The following NTSR1 variants were observed in gnomAD, a reference collection of about 807,000 sequenced individuals.
The protein encoded by NTSR1 is neurotensin receptor type 1.
A neutral mutation model predicts 31.2 loss-of-function variants in NTSR1; 29 were observed. That is an observed-to-expected ratio of 0.93 (90% CI 0.69 to 1.27). The LOEUF is 1.27. Ranked by LOEUF, NTSR1 falls within the 50% of genes most tolerant of loss-of-function variation. The pLI is 0.00. For missense variants in NTSR1, 697 were observed against 595.4 expected, an observed-to-expected ratio of 1.17 and a Z score of -1.78; for synonymous variants, 282 against 269.9, an observed-to-expected ratio of 1.04 and a Z score of -0.44.
chr20:62,749,584 G>A (rs1989358571), intron 1 of NTSR1, among the ~76,000 whole-genome samples: 1 of 152,062 alleles, frequency 6.6e-6, no homozygotes, highest in African/African-American at 2.4e-5. Context: ...AAACGAAAAG[G>A]CAGTCTCTAC....
chr20:62,754,814 G>GGGGAAC lies in NTSR1; in HGVS notation c.844_845insGGGAAC (p.Glu282delinsGlyGluGln). 1 of 1,610,132 alleles carries GGGGAAC rather than the reference G, an allele frequency of 6.2e-7. No individual in the cohort carries two copies. Among genetic ancestry groups the GGGGAAC allele is most frequent in the South Asian group, 1.1e-5 (1 of 91,066 alleles). On this transcript the variant is annotated protein_altering_variant, in exon 2 of 4. Transcript: ENST00000370501. ...GGGCCAAGTGTGCACGGTCGGGGGC[G>GGGGAAC]AGCACAGCACATTCAGCATGGCCAT...
chr20:62,730,795 T>G lies in NTSR1; in HGVS notation c.714+20874T>G, dbSNP rs996250747. Among the ~76,000 whole-genome samples, 4 of 152,258 alleles carry G rather than the reference T, an allele frequency of 2.6e-5. No individual in the cohort carries two copies. In the South Asian group the frequency reaches 8.3e-4, roughly 31 times the overall value. ...TTTGGTTTTTGTAGCCATTCTCATT[T>G]GATCTCATTGTTTTAATCGACATTT... is the stretch of plus-strand genomic sequence containing the variant. On this transcript the variant is annotated intron_variant, in intron 1 of 3. Transcript: ENST00000370501.
chr20:62,718,541 C>T (rs1327593959), intron 1 of NTSR1, among the ~76,000 whole-genome samples: 1 of 149,804 alleles, frequency 6.7e-6, no homozygotes, highest in Non-Finnish European at 1.5e-5. Context: ...GTGGCCCACC[C>T]GCCCCGATGC....
chr20:62,734,242 C>T (rs1340347817), intron 1 of NTSR1, among the ~76,000 whole-genome samples: 2 of 151,018 alleles, frequency 1.3e-5, no homozygotes, highest in Non-Finnish European at 2.9e-5. Flanking sequence ...GCGGAGGCAG[C>T]GAGGTCTGGG....
chr20:62,746,292 C>T (rs1403345699), intron 1 of NTSR1, among the ~76,000 whole-genome samples: 2 of 152,280 alleles, frequency 1.3e-5, no homozygotes, highest in East Asian at 3.9e-4. Context: ...GCCATCAGGT[C>T]AGAGATGAGA....
At chr20:62,730,960 A>G (rs1293694409) in intron 1 of NTSR1, among the ~76,000 whole-genome samples, 2 of 152,068 alleles carry the variant, frequency 1.3e-5, no homozygotes, top group Non-Finnish European at 2.9e-5. Flanking sequence ...AAAGTTCTTT[A>G]TATATTTTGG....
chr20:62,746,975 A>G (rs945104665), intron 1 of NTSR1, among the ~76,000 whole-genome samples: 1 of 152,238 alleles, frequency 6.6e-6, no homozygotes, highest in African/African-American at 2.4e-5. Context: ...AAAAGAACCA[A>G]GAGGCAAAAA....
chr20:62,724,933 G>A (rs1035395533), intron 1 of NTSR1, among the ~76,000 whole-genome samples: 1 of 152,146 alleles, frequency 6.6e-6, no homozygotes, highest in African/African-American at 2.4e-5. Context: ...TAGATTTAGG[G>A]CCCACTCCGA....
In NTSR1 at chr20:62,724,893, G is replaced by T. The variant is rs2427416; in HGVS notation, c.714+14972G>T. On this transcript the variant is annotated intron_variant, in intron 1 of 3. Coordinates refer to ENST00000370501, the MANE Select transcript of NTSR1 (RefSeq NM_002531.3). ...GTCTCCACGTGGCTTCCCCCTGTGCGTCTCTGTGTCATCTAAGGATACTGG... is the reference window on the plus strand; with the variant it reads ...GTCTCCACGTGGCTTCCCCCTGTGCTTCTCTGTGTCATCTAAGGATACTGG... 2.4e-3 allele frequency among the ~76,000 whole-genome samples: 368 copies of T among 152,284 alleles called. 4 individuals are homozygous for T. Among genetic ancestry groups the T allele is most frequent in the Non-Finnish European group, 2.7e-3 (183 of 68,024 alleles).
chr20:62,760,004 C>T lies in NTSR1; in HGVS notation c.1008-14C>T. 1 of 1,611,946 alleles carries T rather than the reference C, an allele frequency of 6.2e-7. No homozygotes were observed. The highest frequency in any genetic ancestry group is 8.5e-7 in the Non-Finnish European group (1 of 1,178,166). The stretch of plus-strand genomic sequence containing the variant: ...AGTTCTCTCTGGGATCTGAGCGCCT[C>T]TCTCTCCCCGCAGGTTCCTCTATGA... On this transcript the variant is annotated splice_polypyrimidine_tract_variant and intron_variant, in intron 3 of 3. Transcript: ENST00000370501.
intron 1 of NTSR1, among the ~76,000 whole-genome samples, chr20:62,751,121 C>T (rs1362849465): frequency 6.6e-6 from 1 of 152,158 alleles, no homozygotes; most frequent in Non-Finnish European, 1.5e-5. Flanking sequence ...AAGGGATCTT[C>T]CTGCCTCAGT....
In NTSR1 at chr20:62,760,525, A is replaced by G. The variant is rs1023790461; in HGVS notation, c.*258A>G. Reference sequence around the variant, plus strand: ...CAGAACAAGAGAGCGCTCCTCTCCCAGATAGGAAAAGGGCCTCTAACAAGG... The same window carrying G: ...CAGAACAAGAGAGCGCTCCTCTCCCGGATAGGAAAAGGGCCTCTAACAAGG... On this transcript the variant is annotated 3_prime_UTR_variant, in exon 4 of 4. Coordinates refer to ENST00000370501, the MANE Select transcript of NTSR1 (RefSeq NM_002531.3). 4 of 425,196 alleles carry G rather than the reference A, an allele frequency of 9.4e-6. No individual in the cohort carries two copies. The highest frequency in any genetic ancestry group is 8.3e-5 in the African/African-American group (4 of 48,142). The allele number at this position is 425,196 out of a possible 1,614,324, so 26.3% of individuals were successfully genotyped here. A position where few individuals can be genotyped will look rare whatever the true frequency, so the allele number is the denominator to read the frequency against.
At chr20:62,721,828 C>G (rs1988831400) in intron 1 of NTSR1, among the ~76,000 whole-genome samples, 1 of 152,188 alleles carries the variant, frequency 6.6e-6, no homozygotes, top group African/African-American at 2.4e-5. Flanking sequence ...GTTATGTCCT[C>G]TGCTGACTTC....
chr20:62,723,624 G>T (rs1181991139), intron 1 of NTSR1, among the ~76,000 whole-genome samples: 2 of 152,184 alleles, frequency 1.3e-5, no homozygotes, highest in African/African-American at 4.8e-5. Context: ...CTGGTCCAGG[G>T]CTCACCAGCA....
At chr20:62,737,973 G>T in intron 1 of NTSR1, among the ~76,000 whole-genome samples, 1 of 74,296 alleles carries the variant, frequency 1.3e-5, no homozygotes, top group Admixed American at 1.6e-4. Context: ...CTGGAAAATG[G>T]CCCCTTATCT....
rs1467992317 is a variant in NTSR1 at position 62,732,752 on chromosome 20, A to G, written c.715-21933A>G. On this transcript the variant is annotated intron_variant, in intron 1 of 3. Transcript: ENST00000370501. This position sits in a 1 kb window ranked among gnomAD's most constrained non-coding sequence, Gnocchi z 4.0. ...AGTTATAAAGTGTTCCTCTGCTTCT[A>G]TTTCCTGGAAGAGACTGTAGAGAGT... 1 of 152,072 alleles carries G rather than the reference A, an allele frequency of 6.6e-6. No homozygotes were observed. Among genetic ancestry groups the G allele is most frequent in the Admixed American group, 6.5e-5 (1 of 15,272 alleles). 9.4% of individuals were successfully genotyped at this position (152,072 alleles called of 1,614,324 possible).
chr20:62,710,627 G>A lies in NTSR1; in HGVS notation c.714+706G>A, dbSNP rs1335930495. Among the ~76,000 whole-genome samples the A allele has an allele frequency of 3.9e-5, 6 of 152,202 alleles. No homozygotes were observed. The East Asian group carries it at 1.2e-3, about 29-fold the overall frequency. On this transcript the variant is annotated intron_variant, in intron 1 of 3. Transcript: ENST00000370501. ...TTGTGGTGAGGTGTGTAAAACTGGA[G>A]CCGAGTGACTAAGGGCCCTCCAAGG...
In NTSR1 at chr20:62,728,781, A is replaced by T. The variant is rs1355687034; in HGVS notation, c.714+18860A>T. 7.2e-5 allele frequency among the ~76,000 whole-genome samples: 11 copies of T among 152,312 alleles called. 1 individual carries two copies. The East Asian group carries it at 1.7e-3, about 24-fold the overall frequency. ...GCCAAACGCCAGAGGCACGTCCACC[A>T]GGTCACCTGGACAGCCCAGCCAGGT... On this transcript the variant is annotated intron_variant, in intron 1 of 3. Coordinates refer to ENST00000370501, the MANE Select transcript of NTSR1 (RefSeq NM_002531.3).
chr20:62,758,366 G>A lies in NTSR1; in HGVS notation c.1007+10G>A, dbSNP rs768642331. The A allele has an allele frequency of 9.9e-6, 16 of 1,612,194 alleles. No individual in the cohort carries two copies. The highest frequency in any genetic ancestry group is 3.3e-5 in the South Asian group (3 of 91,044). On this transcript the variant is annotated intron_variant, in intron 3 of 3. Transcript: ENST00000370501. The surrounding 1 kb of genome is among the most constrained non-coding windows in gnomAD (Gnocchi z 4.5). ...ATGAGCAGTGGACTCCGTGAGTACCGGGAACCAGGAAGTTGGGTGCTGGAC... is the reference window on the plus strand; with the variant it reads ...ATGAGCAGTGGACTCCGTGAGTACCAGGAACCAGGAAGTTGGGTGCTGGAC...
Sources: gnomAD v4.1 joint callset for allele counts (sites outside exome capture counted in the v4.1 genomes callset) on GRCh38, gnomAD v4.1.1 for gene constraint, Gnocchi (gnomAD v3.1) non-coding constraint, MANE v1.5 for transcripts, NCBI Gene and HGNC (gene_info 2026-07-23, HGNC 2026-07-21) for gene names.